The following ATE1 variants were observed in gnomAD, a reference collection of about 807,000 sequenced individuals.
The protein encoded by ATE1 is arginyltransferase 1, also known as arginyl-tRNA--protein transferase 1.
ATE1 carries 36 observed loss-of-function variants against 70.5 expected under a neutral mutation model. The ratio of observed to expected loss-of-function variants is 0.51; its 90% CI spans 0.39 to 0.67. ATE1 has a LOEUF of 0.67. ATE1 is among the 30% of genes least tolerant of loss of function. The pLI is 0.00. For synonymous variants in ATE1, 232 were observed against 219.3 expected, an observed-to-expected ratio of 1.06 and a Z score of -0.51; for missense variants, 593 against 629.5, an observed-to-expected ratio of 0.94 and a Z score of 0.62.
At chr10:121,845,829 G>A (rs1274988213) in intron 8 of ATE1, among the ~76,000 whole-genome samples, 1 of 152,184 alleles carries the variant, frequency 6.6e-6, no homozygotes, top group Non-Finnish European at 1.5e-5. Context: ...CTCATGTTTA[G>A]CTTAGTATAG....
upstream of ATE1, chr10:121,928,392 A>G: frequency 6.5e-7 from 1 of 1,532,016 alleles, no homozygotes; most frequent in Non-Finnish European, 8.8e-7. Flanking sequence ...CCGCAGTGGT[A>G]GCCGGCCCTG....
In ATE1 at chr10:121,925,341, A is replaced by T. The variant is rs149982523; in HGVS notation, c.107-1012T>A. Among the ~76,000 whole-genome samples, 63 of 151,100 alleles carry T rather than the reference A, an allele frequency of 4.2e-4. No individual in the cohort carries two copies. In the East Asian group the frequency reaches 0.012, roughly 28 times the overall value. ...AGGCTGAGGCAGGAGAATCGCTTGA[A>T]CCCAGGAGGCGGAGGTTGCAGTGAC... On this transcript the variant is annotated intron_variant, in intron 1 of 11. Transcript: ENST00000224652.
chr10:121,799,734 T>A (rs1035847603), intron 10 of ATE1, among the ~76,000 whole-genome samples: 3 of 152,246 alleles, frequency 2.0e-5, no homozygotes, highest in Non-Finnish European at 2.9e-5. Flanking sequence ...TGCCAGTAAG[T>A]GTCTTGGTAT....
intron 11 of ATE1, among the ~76,000 whole-genome samples, chr10:121,784,685 C>T (rs1192047490): frequency 6.6e-6 from 1 of 152,078 alleles, no homozygotes; most frequent in Non-Finnish European, 1.5e-5. Context: ...ATGGTGAAAC[C>T]CCATCTCTAC....
chr10:121,766,276 G>A (rs1430378920), intron 11 of ATE1, among the ~76,000 whole-genome samples: 3 of 152,078 alleles, frequency 2.0e-5, no homozygotes, highest in Non-Finnish European at 2.9e-5. Flanking sequence ...GGAGTCAGAC[G>A]TGCACAGCTA....
chr10:121,776,857 A>C (rs1051318417), intron 11 of ATE1, among the ~76,000 whole-genome samples: 10 of 152,250 alleles, frequency 6.6e-5, no homozygotes, highest in East Asian at 5.8e-4. Flanking sequence ...ACCTCACCTA[A>C]AACTGCAACT....
In ATE1 at chr10:121,915,588, T is replaced by C. The variant is rs746748081; in HGVS notation, c.234-1695A>G. ...TGACTATGAAATGTAGAACAGAGGA[T>C]AGAAAAGCTTCCTAAGAGAGGCCGG... On this transcript the variant is annotated intron_variant, in intron 3 of 11. Transcript: ENST00000224652. Among the ~76,000 whole-genome samples, 7 of 152,012 alleles carry C rather than the reference T, an allele frequency of 4.6e-5. No homozygotes were observed. In the South Asian group the frequency reaches 6.2e-4, roughly 14 times the overall value.
chr10:121,863,702 A>T (rs1349070641), intron 8 of ATE1, among the ~76,000 whole-genome samples: 1 of 152,060 alleles, frequency 6.6e-6, no homozygotes, highest in Non-Finnish European at 1.5e-5. Context: ...CTCAAACTTC[A>T]AGGCTGAAAT....
intron 11 of ATE1, among the ~76,000 whole-genome samples, chr10:121,784,790 T>C (rs1467431258): frequency 6.6e-6 from 1 of 151,682 alleles, no homozygotes; most frequent in Admixed American, 6.6e-5. Flanking sequence ...ATCCGGGAGG[T>C]AGAGGCTACA....
chr10:121,869,233 T>C (rs1949767851), intron 8 of ATE1, among the ~76,000 whole-genome samples: 1 of 152,242 alleles, frequency 6.6e-6, no homozygotes. Flanking sequence ...AGTTGTGATT[T>C]ACCCAATGTC....
chr10:121,917,614 C>T (rs1238817280), intron 3 of ATE1, among the ~76,000 whole-genome samples: 1 of 150,950 alleles, frequency 6.6e-6, no homozygotes, highest in Non-Finnish European at 1.5e-5. Flanking sequence ...GAGAGAAGCC[C>T]GGAAATAATG....
intron 5 of ATE1, among the ~76,000 whole-genome samples, chr10:121,903,645 C>T (rs575683893): frequency 3.9e-4 from 59 of 152,104 alleles, no homozygotes; most frequent in African/African-American, 1.4e-3. Context: ...TGAGATGGCA[C>T]CACTGCACTC....
chr10:121,873,715 A>G (rs538911664), intron 7 of ATE1, among the ~76,000 whole-genome samples: 37 of 152,092 alleles, frequency 2.4e-4, no homozygotes, highest in African/African-American at 7.9e-4. Flanking sequence ...AGGTACCAGA[A>G]AAATGATAAT....
intron 11 of ATE1, 121 bp downstream of exon 11, chr10:121,790,048 A>AC: frequency 2.9e-6 from 4 of 1,378,686 alleles, no homozygotes; most frequent in Admixed American, 2.1e-5. Flanking sequence ...ACACACACTC[A>AC]TGCACAGCAT....
At chr10:121,755,513 A>G (rs186697500) in intron 11 of ATE1, among the ~76,000 whole-genome samples, 56 of 152,360 alleles carry the variant, frequency 3.7e-4, no homozygotes, top group Admixed American at 3.1e-3. Context: ...AAATTTAAAA[A>G]TAAAAAATGT....
chr10:121,818,920 G>C (rs988991276), intron 10 of ATE1, among the ~76,000 whole-genome samples: 1 of 152,182 alleles, frequency 6.6e-6, no homozygotes, highest in African/African-American at 2.4e-5. Context: ...AAGTGGAATT[G>C]TATTTTAAAG....
intron 8 of ATE1, among the ~76,000 whole-genome samples, chr10:121,859,864 C>T (rs1949406782): frequency 2.0e-5 from 3 of 152,100 alleles, no homozygotes; most frequent in Admixed American, 2.0e-4. Flanking sequence ...ATCGCTTGAA[C>T]CTGGGAGGCG....
intron 11 of ATE1, among the ~76,000 whole-genome samples, chr10:121,789,093 C>T (rs1233020910): frequency 4.6e-5 from 7 of 151,984 alleles, no homozygotes; most frequent in Non-Finnish European, 8.8e-5. Context: ...TAGTGACCAC[C>T]AAAAAACAGT....
At chr10:121,856,830 C>A (rs1023745098) in intron 8 of ATE1, among the ~76,000 whole-genome samples, 2 of 152,130 alleles carry the variant, frequency 1.3e-5, no homozygotes, top group African/African-American at 4.8e-5. Flanking sequence ...CTGAGAAGTG[C>A]AACGAAGCGT....
Sources: allele counts gnomAD v4.1 joint callset (sites outside exome capture counted in the v4.1 genomes callset), GRCh38; gene constraint gnomAD v4.1.1; transcripts MANE v1.5; gene names NCBI Gene and HGNC (gene_info 2026-07-23, HGNC 2026-07-21).